Variants in FEM1B observed in about 807,000 individuals in gnomAD.
The protein encoded by FEM1B is fem-1 homolog B.
FEM1B carries 10 observed loss-of-function variants against 38.6 expected under a neutral mutation model. That is an observed-to-expected ratio of 0.26 (90% confidence interval 0.16 to 0.44). The LOEUF is 0.44. Among genes scored for constraint, FEM1B ranks in the 20% least tolerant of loss-of-function variants. FEM1B has a pLI of 1.00. For missense variants in FEM1B, 471 were observed against 786.7 expected, an observed-to-expected ratio of 0.60 and a Z score of 4.80; for synonymous variants, 288 against 288.0, an observed-to-expected ratio of 1.00 and a Z score of 0.00.
chr15:68,291,253 A>G lies in FEM1B; in HGVS notation c.*11A>G. Reference sequence around the variant, plus strand: ...GTTGGATTTCATTAAGTGACTGGATATGTAAAGTCGTTTAATGTGGTGCTA... The same window carrying G: ...GTTGGATTTCATTAAGTGACTGGATGTGTAAAGTCGTTTAATGTGGTGCTA... On this transcript the variant is annotated 3_prime_UTR_variant, in exon 2 of 2. Coordinates refer to ENST00000306917, the MANE Select transcript of FEM1B (RefSeq NM_015322.5). This position sits in a 1 kb window ranked among gnomAD's most constrained non-coding sequence, Gnocchi z 6.9. 1 of 1,562,322 alleles carries G rather than the reference A, an allele frequency of 6.4e-7. No homozygotes were observed. The highest frequency in any genetic ancestry group is 2.0e-5 in the Admixed American group (1 of 50,450).
At chr15:68,282,323 A>G (rs560604592) in intron 1 of FEM1B, among the ~76,000 whole-genome samples, 8 of 152,282 alleles carry the variant, frequency 5.3e-5, no homozygotes, top group African/African-American at 1.9e-4. Flanking sequence ...GAGGAAAGGC[A>G]TGAGGGGCAT....
intron 1 of FEM1B, among the ~76,000 whole-genome samples, chr15:68,282,934 G>A (rs1266023996): frequency 6.6e-6 from 1 of 152,070 alleles, no homozygotes; most frequent in Non-Finnish European, 1.5e-5. Context: ...GTTTCTGAAG[G>A]ACCAGTCTTG....
chr15:68,285,527 CTTA>C (rs528826990), intron 1 of FEM1B, among the ~76,000 whole-genome samples: 380 of 152,342 alleles, frequency 2.5e-3, no homozygotes, highest in Non-Finnish European at 3.8e-3. Flanking sequence ...TTGCTCAACA[CTTA>C]TTATTGCCCT....
chr15:68,291,403 G>GTAA lies in FEM1B; in HGVS notation c.*163_*165dup, dbSNP rs1200896624. On this transcript the variant is annotated 3_prime_UTR_variant, in exon 2 of 2. Coordinates refer to ENST00000306917, the MANE Select transcript of FEM1B (RefSeq NM_015322.5). The surrounding 1 kb of genome is among the most constrained non-coding windows in gnomAD (Gnocchi z 6.9). ...CTGTATTTGTTTTTCTTGCCTCATGGTAATTGATTTCAGACAGACTTTAAC... is the reference window on the plus strand; with the variant it reads ...CTGTATTTGTTTTTCTTGCCTCATGGTAATAATTGATTTCAGACAGACTTTAAC... The GTAA allele has an allele frequency of 9.0e-5, 52 of 576,878 alleles. No homozygotes were observed. In the East Asian group the frequency reaches 1.2e-3, roughly 13 times the overall value. 35.7% of individuals were successfully genotyped at this position (576,878 alleles called of 1,614,324 possible). A position where few individuals can be genotyped will look rare whatever the true frequency, so the allele number is the denominator to read the frequency against.
intron 1 of FEM1B, among the ~76,000 whole-genome samples, chr15:68,286,546 A>G (rs1227532984): frequency 1.3e-5 from 2 of 152,046 alleles, no homozygotes; most frequent in East Asian, 3.9e-4. Context: ...TATCGAATCT[A>G]TAGATCATTT....
Position 68,281,816 on chromosome 15 carries a change from G to A in FEM1B, c.248+3151G>A, listed in dbSNP as rs964981371. On this transcript the variant is annotated intron_variant, in intron 1 of 1. Transcript: ENST00000306917. This position sits in a 1 kb window ranked among gnomAD's most constrained non-coding sequence, Gnocchi z 5.1. Reference sequence around the variant, plus strand: ...TATTTTTAGTAGAGACGGTTTCACCGTGTTAGCCAGGATGGTCTCGATCTC... The same window carrying A: ...TATTTTTAGTAGAGACGGTTTCACCATGTTAGCCAGGATGGTCTCGATCTC... 3.0e-4 allele frequency among the ~76,000 whole-genome samples: 46 copies of A among 152,104 alleles called. 1 individual carries two copies. The highest frequency in any genetic ancestry group is 1.1e-3 in the African/African-American group (45 of 41,420).
Position 68,291,117 on chromosome 15 carries a change from A to G in FEM1B, c.1759A>G (p.Ile587Val). ...LDKSTTGVSE[I>V]LLKTQMKMSL... ...CAAAAGTACAACTGGGGTATCTGAA[A>G]TACTGCTTAAAACTCAAATGAAGAT... is the stretch of plus-strand genomic sequence containing the variant. The change falls in exon 2 of 2, where the codon ATA (isoleucine) becomes GTA (valine). Residue 587 changes from isoleucine to valine, a missense_variant. This residue lies in a region of FEM1B where 380 missense variants were observed against 599.6 expected (regional missense o/e 0.63). Transcript: ENST00000306917. This position sits in a 1 kb window ranked among gnomAD's most constrained non-coding sequence, Gnocchi z 6.9. 6.2e-7 allele frequency: 1 copy of G among 1,614,126 alleles called. No homozygotes were observed. Among genetic ancestry groups the G allele is most frequent in the Non-Finnish European group, 8.5e-7 (1 of 1,179,992 alleles).
rs1007964587 is a variant in FEM1B, at chr15:68,291,428, CA to C, written c.*190del. The C allele has an allele frequency of 1.7e-5, 9 of 538,254 alleles. No homozygotes were observed. The highest frequency in any genetic ancestry group is 1.5e-4 in the African/African-American group (8 of 52,096). 33.3% of individuals were successfully genotyped at this position (538,254 alleles called of 1,614,324 possible). A position where few individuals can be genotyped will look rare whatever the true frequency, so the allele number is the denominator to read the frequency against. ...GTAATTGATTTCAGACAGACTTTAA[CA>C]AAACCACATTGTTTTGGTGTAACTA... On this transcript the variant is annotated 3_prime_UTR_variant, in exon 2 of 2. Coordinates refer to ENST00000306917, the MANE Select transcript of FEM1B (RefSeq NM_015322.5). The surrounding 1 kb of genome is among the most constrained non-coding windows in gnomAD (Gnocchi z 6.9).
In FEM1B at chr15:68,284,124, A is replaced by G. The variant is rs1892757940; in HGVS notation, c.248+5459A>G. Among the ~76,000 whole-genome samples the G allele has an allele frequency of 6.6e-6, 1 of 152,122 alleles. No homozygotes were observed. Among genetic ancestry groups the G allele is most frequent in the Admixed American group, 6.5e-5 (1 of 15,272 alleles). ...GGTCTTGAACTACCCACCTCAGGTG[A>G]TCCACCCACCTTGGCCTCCCAAAGT... On this transcript the variant is annotated intron_variant, in intron 1 of 1. Transcript: ENST00000306917. The surrounding 1 kb of genome is among the most constrained non-coding windows in gnomAD (Gnocchi z 4.4).
In FEM1B at chr15:68,284,242, T is replaced by C. The variant is rs541406783; in HGVS notation, c.249-5365T>C. On this transcript the variant is annotated intron_variant, in intron 1 of 1. Coordinates refer to ENST00000306917, the MANE Select transcript of FEM1B (RefSeq NM_015322.5). The surrounding 1 kb of genome is among the most constrained non-coding windows in gnomAD (Gnocchi z 4.4). Reference sequence around the variant, plus strand: ...AATAGTTAATATTATAACTATAATATAATAGTATAATAGGGCATAATAATA... The same window carrying C: ...AATAGTTAATATTATAACTATAATACAATAGTATAATAGGGCATAATAATA... Among the ~76,000 whole-genome samples the C allele has an allele frequency of 6.6e-6, 1 of 152,096 alleles. No homozygotes were observed. Among genetic ancestry groups the C allele is most frequent in the Non-Finnish European group, 1.5e-5 (1 of 68,024 alleles).
rs1403451727 is a variant in FEM1B, at chr15:68,281,872, C to T, written c.248+3207C>T. ...CTCGTGATCCGCATGCCTCGGCCTC[C>T]CTAAGTGCTGGGATTACAGGCTTGA... On this transcript the variant is annotated intron_variant, in intron 1 of 1. Coordinates refer to ENST00000306917, the MANE Select transcript of FEM1B (RefSeq NM_015322.5). The surrounding 1 kb of genome is among the most constrained non-coding windows in gnomAD (Gnocchi z 5.1). Among the ~76,000 whole-genome samples, 1 of 152,162 alleles carries T rather than the reference C, an allele frequency of 6.6e-6. No individual in the cohort carries two copies. The highest frequency in any genetic ancestry group is 1.5e-5 in the Non-Finnish European group (1 of 68,032).
Position 68,291,147 on chromosome 15 carries a change from C to T in FEM1B, c.1789C>T (p.Leu597Phe). 6.2e-7 allele frequency: 1 copy of T among 1,613,996 alleles called. No homozygotes were observed. Among genetic ancestry groups the T allele is most frequent in the Non-Finnish European group, 8.5e-7 (1 of 1,179,890 alleles). ...GCTTAAAACTCAAATGAAGATGAGT[C>T]TCAAGTGCCTGGCTGCCCGAGCAGT... Reference protein sequence around the residue: ...ILLKTQMKMSLKCLAARAVRA... With the variant: ...ILLKTQMKMSFKCLAARAVRA... The change falls in exon 2 of 2, where the codon CTC (leucine) becomes TTC (phenylalanine). Residue 597 changes from leucine (L) to phenylalanine (F), a missense_variant. Leu to Phe is a conservative substitution (Grantham distance 22, BLOSUM62 0). Transcript: ENST00000306917. This position sits in a 1 kb window ranked among gnomAD's most constrained non-coding sequence, Gnocchi z 6.9.
chr15:68,286,184 A>G (rs897114981), intron 1 of FEM1B, among the ~76,000 whole-genome samples: 2 of 151,748 alleles, frequency 1.3e-5, no homozygotes, highest in African/African-American at 2.4e-5. Flanking sequence ...GTCAGAAATC[A>G]AGGGATTCTG....
intron 1 of FEM1B, among the ~76,000 whole-genome samples, chr15:68,283,064 G>GA (rs1392327175): frequency 2.6e-5 from 4 of 151,810 alleles, no homozygotes; most frequent in Admixed American, 2.0e-4. Context: ...TAGCTCAAGG[G>GA]AAAAAAATGG....
Position 68,291,559 on chromosome 15 carries a change from A to T in FEM1B, c.*317A>T, listed in dbSNP as rs755732277. On this transcript the variant is annotated 3_prime_UTR_variant, in exon 2 of 2. Transcript: ENST00000306917. This position sits in a 1 kb window ranked among gnomAD's most constrained non-coding sequence, Gnocchi z 6.9. ...AAGGGACATTTATAATTTCAAGTTG[A>T]TAATGTTTTAAACAGCTGCTTACAA... 79 of 274,918 alleles carry T rather than the reference A, an allele frequency of 2.9e-4. No individual in the cohort carries two copies. The highest frequency in any genetic ancestry group is 4.3e-4 in the Non-Finnish European group (63 of 147,818). 17.0% of individuals were successfully genotyped at this position (274,918 alleles called of 1,614,324 possible).
chr15:68,290,589 T>C lies in FEM1B; in HGVS notation c.1231T>C (p.Leu411=), dbSNP rs531550559. 24 of 1,614,208 alleles carry C rather than the reference T, an allele frequency of 1.5e-5. No individual in the cohort carries two copies. The South Asian group carries it at 2.5e-4, about 17-fold the overall frequency. The change falls in exon 2 of 2, where the codon TTG becomes CTG. Residue 411 remains leucine, a synonymous_variant. Transcript: ENST00000306917. This position sits in a 1 kb window ranked among gnomAD's most constrained non-coding sequence, Gnocchi z 9.7. ...GAAGGCCCCAGACATAGAATGTGTT[T>C]TGAGATGCAGTGTTTTGGAAATAGA... ...TVKAPDIECV[L]RCSVLEIEQS... is the part of the protein sequence containing the mutation.
Position 68,289,596 on chromosome 15 carries a change from T to C in FEM1B, c.249-11T>C. The C allele has an allele frequency of 6.2e-7, 1 of 1,609,684 alleles. No homozygotes were observed. On this transcript the variant is annotated splice_polypyrimidine_tract_variant and intron_variant, in intron 1 of 1. Coordinates refer to ENST00000306917, the MANE Select transcript of FEM1B (RefSeq NM_015322.5). The surrounding 1 kb of genome is among the most constrained non-coding windows in gnomAD (Gnocchi z 6.9). Reference sequence around the variant, plus strand: ...CTCTGTTATCTAACTGCTTATTCTTTTCATGTGTAGGTATGTCATTGATGG... The same window carrying C: ...CTCTGTTATCTAACTGCTTATTCTTCTCATGTGTAGGTATGTCATTGATGG...
At position 68,289,366 on chromosome 15, in the gene FEM1B, G is replaced by GT; in HGVS notation, c.249-235dup. The stretch of plus-strand genomic sequence containing the variant: ...AGAAAGTTCGTGATTTTTCAGGTTT[G>GT]TTTTTTAGGGTTATATACTCTAGTA... On this transcript the variant is annotated intron_variant, in intron 1 of 1. Coordinates refer to ENST00000306917, the MANE Select transcript of FEM1B (RefSeq NM_015322.5). The surrounding 1 kb of genome is among the most constrained non-coding windows in gnomAD (Gnocchi z 6.9). The GT allele has an allele frequency of 2.3e-6, 1 of 425,964 alleles. No homozygotes were observed. Among genetic ancestry groups the GT allele is most frequent in the Non-Finnish European group, 4.2e-6 (1 of 238,866 alleles). 26.4% of individuals were successfully genotyped at this position (425,964 alleles called of 1,614,324 possible).
intron 1 of FEM1B, among the ~76,000 whole-genome samples, chr15:68,282,640 G>C (rs1468742195): frequency 6.6e-6 from 1 of 152,178 alleles, no homozygotes; most frequent in Non-Finnish European, 1.5e-5. Context: ...ATTTGAAGAT[G>C]AATACATAAT....
Sources: allele counts gnomAD v4.1 joint callset (sites outside exome capture counted in the v4.1 genomes callset), GRCh38; gene constraint gnomAD v4.1.1; regional missense constraint gnomAD v4.1.1; non-coding constraint Gnocchi (gnomAD v3.1); transcripts MANE v1.5; gene names NCBI Gene and HGNC (gene_info 2026-07-23, HGNC 2026-07-21).